Variants in PCDHGA4 observed in about 807,000 individuals in gnomAD.
PCDHGA4 encodes the protein protocadherin gamma-A4.
In PCDHGA4, 38 loss-of-function variants were observed where a neutral mutation model predicts 54.6. That is an observed-to-expected ratio of 0.70 (90% CI 0.54 to 0.91). The LOEUF is 0.91. Ranked by LOEUF, PCDHGA4 falls within the 40% of genes least tolerant of loss-of-function variation. The probability of loss-of-function intolerance (pLI) is 0.00; values close to 1 mark genes in which losing one functional copy is unlikely to be tolerated. For synonymous variants in PCDHGA4, 511 were observed against 512.9 expected, an observed-to-expected ratio of 1.00 and a Z score of 0.05; for missense variants, 1,298 against 1,220.9, an observed-to-expected ratio of 1.06 and a Z score of -0.94.
chr5:141,392,911 A>G (rs1416480997), intron 1 of PCDHGA4: 1 of 1,613,712 alleles, frequency 6.2e-7, no homozygotes, highest in African/African-American at 1.3e-5. Context: ...CAGATTCGCT[A>G]CTCTGTGCCA....
chr5:141,418,314 C>T, intron 1 of PCDHGA4: 1 of 1,613,988 alleles, frequency 6.2e-7, no homozygotes. Context: ...GGGATGGGAA[C>T]AATTCTTGAG....
intron 1 of PCDHGA4, chr5:141,384,950 C>G: frequency 6.2e-7 from 1 of 1,614,122 alleles, no homozygotes; most frequent in East Asian, 2.2e-5. Flanking sequence ...TCCGACGGTC[C>G]TTACAACTAT....
At position 141,490,276 on chromosome 5, in the gene PCDHGA4, A is replaced by T; in HGVS notation, c.2515-4531A>T. 1 of 1,614,236 alleles carries T rather than the reference A, an allele frequency of 6.2e-7. No individual in the cohort carries two copies. Among genetic ancestry groups the T allele is most frequent in the Non-Finnish European group, 8.5e-7 (1 of 1,180,036 alleles). On this transcript the variant is annotated intron_variant, in intron 1 of 3. Transcript: ENST00000571252. This position sits in a 1 kb window ranked among gnomAD's most constrained non-coding sequence, Gnocchi z 5.4. ...AGTGGATGTGGGGGATGTCAATGACAATGCCCCAGAGGTGCTATTGGCCTC... is the reference window on the plus strand; with the variant it reads ...AGTGGATGTGGGGGATGTCAATGACTATGCCCCAGAGGTGCTATTGGCCTC...
intron 1 of PCDHGA4, chr5:141,366,021 A>G (rs1165223117): frequency 1.9e-6 from 3 of 1,614,092 alleles, no homozygotes; most frequent in Non-Finnish European, 1.7e-6. Flanking sequence ...GAGATCCTGT[A>G]CCCCGCCCTC....
chr5:141,365,268 G>A (rs1329659479), intron 1 of PCDHGA4: 2 of 1,613,874 alleles, frequency 1.2e-6, no homozygotes, highest in Non-Finnish European at 1.7e-6. Flanking sequence ...GAAGAATCCA[G>A]ATTCTACCTC....
intron 1 of PCDHGA4, chr5:141,370,727 A>G: frequency 6.2e-7 from 1 of 1,613,856 alleles, no homozygotes; most frequent in Non-Finnish European, 8.5e-7. Context: ...TGGTTGCTGA[A>G]AAGCCTTTAA....
intron 1 of PCDHGA4, chr5:141,390,154 C>A: frequency 6.2e-7 from 1 of 1,614,038 alleles, no homozygotes; most frequent in African/African-American, 1.3e-5. Flanking sequence ...GTTGCACATA[C>A]AGGAAAGACG....
intron 1 of PCDHGA4, among the ~76,000 whole-genome samples, chr5:141,467,486 T>A (rs985186472): frequency 6.6e-6 from 1 of 152,242 alleles, no homozygotes; most frequent in Non-Finnish European, 1.5e-5. Flanking sequence ...GGTTTCCACA[T>A]TTAGATCCCT....
At chr5:141,465,047 T>C (rs2099095978) in intron 1 of PCDHGA4, among the ~76,000 whole-genome samples, 1 of 152,088 alleles carries the variant, frequency 6.6e-6, no homozygotes, top group Non-Finnish European at 1.5e-5. Context: ...TGACCCTATA[T>C]ATTTTTTTGA....
intron 1 of PCDHGA4, chr5:141,394,793 C>T (rs1178290546): frequency 1.1e-5 from 17 of 1,613,654 alleles, no homozygotes; most frequent in African/African-American, 2.7e-5. Flanking sequence ...CTGTCACGCT[C>T]ACCGTAGCCG....
intron 1 of PCDHGA4, among the ~76,000 whole-genome samples, chr5:141,456,944 C>G (rs1172050038): frequency 6.6e-6 from 1 of 152,138 alleles, no homozygotes; most frequent in Non-Finnish European, 1.5e-5. Context: ...GCCTGGGCAA[C>G]AGAGCAAAAC....
chr5:141,440,401 C>T (rs1023628115), intron 1 of PCDHGA4: 4 of 152,088 alleles, frequency 2.6e-5, no homozygotes, highest in African/African-American at 7.3e-5. Context: ...GAGAGGCAAT[C>T]GCACCACTGC....
At position 141,511,940 on chromosome 5, in the gene PCDHGA4, G is replaced by A. The variant is rs2099884015; in HGVS notation, c.*767G>A. 1 of 154,118 alleles carries A rather than the reference G, an allele frequency of 6.5e-6. No homozygotes were observed. The highest frequency in any genetic ancestry group is 1.9e-4 in the East Asian group (1 of 5,214). 9.5% of individuals were successfully genotyped at this position (154,118 alleles called of 1,614,324 possible). ...TCCACTGCATGTTCCAAGACAGTAT[G>A]GGGTGGTAAGATAAGGAAGGGAAGT... On this transcript the variant is annotated 3_prime_UTR_variant, in exon 4 of 4. Coordinates refer to ENST00000571252, the MANE Select transcript of PCDHGA4 (RefSeq NM_018917.4).
At chr5:141,363,502 A>G (rs368681590) in intron 1 of PCDHGA4, among the ~76,000 whole-genome samples, 2 of 152,230 alleles carry the variant, frequency 1.3e-5, no homozygotes, top group East Asian at 3.9e-4. Flanking sequence ...ATAAAACCCC[A>G]TCCTCCACAG....
chr5:141,364,824 A>G, intron 1 of PCDHGA4: 2 of 1,613,612 alleles, frequency 1.2e-6, no homozygotes, highest in Non-Finnish European at 1.7e-6. Context: ...GTGGGTGTGA[A>G]CTCTCTCCGG....
chr5:141,422,260 G>A, intron 1 of PCDHGA4: 1 of 1,564,392 alleles, frequency 6.4e-7, no homozygotes, highest in South Asian at 1.2e-5. Context: ...GAATGATAAC[G>A]CTCCAGAAAT....
intron 1 of PCDHGA4, chr5:141,362,080 G>A: frequency 4.3e-6 from 7 of 1,613,200 alleles, no homozygotes; most frequent in Non-Finnish European, 5.9e-6. Flanking sequence ...TGTGCGTGAT[G>A]GAGGACAGCC....
At chr5:141,468,330 C>CAAAAAAAAAAAA (rs533390277) in intron 1 of PCDHGA4, 1 of 79,864 alleles carries the variant, frequency 1.3e-5, no homozygotes, top group African/African-American at 3.9e-5. Context: ...AACTCCATCT[C>CAAAAAAAAAAAA]AAAAAAAAAA....
rs753702657 is a variant in PCDHGA4 at position 141,415,195 on chromosome 5, C to G, written c.2514+57574C>G. ...CGTGGCCGTGGCCGACAGCATCCCC[C>G]AAGTCCTGGCGGACCTCGGCAGCTT... On this transcript the variant is annotated intron_variant, in intron 1 of 3. Transcript: ENST00000571252. 5 of 1,614,058 alleles carry G rather than the reference C, an allele frequency of 3.1e-6. No individual in the cohort carries two copies. The highest frequency in any genetic ancestry group is 1.1e-5 in the South Asian group (1 of 91,090).
Sources: allele counts gnomAD v4.1 joint callset (sites outside exome capture counted in the v4.1 genomes callset), GRCh38; gene constraint gnomAD v4.1.1; non-coding constraint Gnocchi (gnomAD v3.1); transcripts MANE v1.5; gene names NCBI Gene and HGNC (gene_info 2026-07-23, HGNC 2026-07-21).